The following FBN2 variants were observed in gnomAD, a reference collection of about 807,000 sequenced individuals.
The protein encoded by FBN2 is fibrillin 2, also known as fibrillin-2.
In FBN2, 105 loss-of-function variants were observed where a neutral mutation model predicts 355.6. The observed-to-expected ratio is 0.30, with a 90% CI of 0.25 to 0.35. The LOEUF (loss-of-function observed/expected upper bound fraction) is 0.35, where lower values mean the gene tolerates loss of function less well. Ranked by LOEUF, FBN2 falls within the 10% of genes least tolerant of loss-of-function variation. The pLI, the probability that FBN2 is intolerant of heterozygous loss-of-function variation, is 1.00. For missense variants in FBN2, 3,280 were observed against 3,758.7 expected (o/e 0.87, Z 3.33); for synonymous variants, 1,350 against 1,301.2 (o/e 1.04, Z -0.81).
At chr5:128,395,374 C>G in intron 8 of FBN2, 100 bp from the exon 9 acceptor site, 1 of 1,221,202 alleles carries the variant, frequency 8.2e-7, no homozygotes, top group Non-Finnish European at 1.2e-6. Context: ...TGACTCATAC[C>G]ACTTAATCTC....
chr5:128,339,125 AG>A, intron 25 of FBN2, 64 bp from the exon 26 acceptor site: 1 of 1,554,482 alleles, frequency 6.4e-7, no homozygotes, highest in Non-Finnish European at 8.9e-7. Flanking sequence ...TTCCAAGCGA[AG>A]GTGCTGCATG....
At chr5:128,423,765 G>A (rs1180301754) in intron 7 of FBN2, among the ~76,000 whole-genome samples, 2 of 152,168 alleles carry the variant, frequency 1.3e-5, no homozygotes, top group East Asian at 3.9e-4. Context: ...CCAAACTTGT[G>A]ATCTAGAAAG....
chr5:128,291,943 G>T (rs1295010545), intron 48 of FBN2, among the ~76,000 whole-genome samples: 1 of 152,032 alleles, frequency 6.6e-6, no homozygotes, highest in Non-Finnish European at 1.5e-5. Flanking sequence ...TGTCTCATGG[G>T]CATTGCAGGC....
At chr5:128,501,085 T>A (rs188026237) in intron 5 of FBN2, among the ~76,000 whole-genome samples, 1 of 152,178 alleles carries the variant, frequency 6.6e-6, no homozygotes. Context: ...TGCTGAGGAA[T>A]GATGAGACAA....
rs745677680 is a variant in FBN2 at position 128,305,620 on chromosome 5, G to A, written c.5565C>T (p.Ser1855=). Residue 1855 remains serine, a synonymous_variant, in exon 44 of 65, where the codon AGC becomes AGT. Transcript: ENST00000262464. Reference sequence around the variant, plus strand: ...TCCGCTGGCAGAGATTATCACCATTGCTGCACTCATCTATATCTGAAAGAG... The same window carrying A: ...TCCGCTGGCAGAGATTATCACCATTACTGCACTCATCTATATCTGAAAGAG... The part of the protein sequence containing the change: ...LLVCEDIDEC[S]NGDNLCQRNA... The A allele has an allele frequency of 3.7e-6, 6 of 1,613,888 alleles. No individual in the cohort carries two copies. The Admixed American group carries it at 1.0e-4, about 27-fold the overall frequency.
At chr5:128,404,288 A>G (rs1009384752) in intron 8 of FBN2, among the ~76,000 whole-genome samples, 13 of 152,260 alleles carry the variant, frequency 8.5e-5, no homozygotes, top group African/African-American at 3.1e-4. Context: ...TACTTATTCC[A>G]AATGTAACAT....
chr5:128,433,550 T>C (rs1244482232), intron 7 of FBN2, among the ~76,000 whole-genome samples: 3 of 152,226 alleles, frequency 2.0e-5, no homozygotes, highest in Non-Finnish European at 4.4e-5. Context: ...CTTTGATTTA[T>C]AGTCACATAG....
intron 9 of FBN2, among the ~76,000 whole-genome samples, chr5:128,394,279 A>C (rs532356235): frequency 2.0e-5 from 3 of 152,330 alleles, no homozygotes; most frequent in African/African-American, 7.2e-5. Context: ...AGAAACATTA[A>C]TTTGTACTTT....
chr5:128,434,422 ATATG>A (rs1033363650), intron 7 of FBN2, among the ~76,000 whole-genome samples: 9 of 132,680 alleles, frequency 6.8e-5, no homozygotes, highest in African/African-American at 3.0e-4. Context: ...ATATATATAT[ATATG>A]GGCAGTAAGT....
intron 58 of FBN2, among the ~76,000 whole-genome samples, 167 bp from the exon 59 acceptor site, chr5:128,276,327 C>A (rs1017222452): frequency 6.6e-6 from 1 of 152,080 alleles, no homozygotes; most frequent in Non-Finnish European, 1.5e-5. Context: ...AAGTAACATG[C>A]GGGTTTACTT....
intron 15 of FBN2, among the ~76,000 whole-genome samples, chr5:128,373,346 C>G (rs1242496489): frequency 6.6e-6 from 1 of 152,202 alleles, no homozygotes; most frequent in Non-Finnish European, 1.5e-5. Flanking sequence ...TTATATTCTT[C>G]TAGCTGCTGT....
chr5:128,347,012 C>T (rs1273847171), intron 23 of FBN2, among the ~76,000 whole-genome samples: 1 of 152,180 alleles, frequency 6.6e-6, no homozygotes, highest in Non-Finnish European at 1.5e-5. Flanking sequence ...CTCATTATCA[C>T]AGGGCTCTGA....
intron 7 of FBN2, among the ~76,000 whole-genome samples, chr5:128,442,788 G>A (rs1262015468): frequency 1.3e-5 from 2 of 151,968 alleles, no homozygotes; most frequent in Non-Finnish European, 2.9e-5. Flanking sequence ...CACACAGAGA[G>A]AGAGGAAAAG....
At chr5:128,440,869 C>T (rs1421913018) in intron 7 of FBN2, among the ~76,000 whole-genome samples, 3 of 152,116 alleles carry the variant, frequency 2.0e-5, no homozygotes, top group Non-Finnish European at 4.4e-5. Flanking sequence ...CGGAGAGAAA[C>T]GTTTACTTTT....
At chr5:128,356,429 T>G (rs1193768845) in intron 20 of FBN2, among the ~76,000 whole-genome samples, 1 of 152,262 alleles carries the variant, frequency 6.6e-6, no homozygotes, top group Non-Finnish European at 1.5e-5. Context: ...AAGATTCATT[T>G]TGGCTAGATA....
intron 33 of FBN2, among the ~76,000 whole-genome samples, chr5:128,330,367 T>C (rs181397463): frequency 6.6e-6 from 1 of 152,356 alleles, no homozygotes; most frequent in African/African-American, 2.4e-5. Flanking sequence ...AATGCCGTTA[T>C]TTGAAAACTT....
rs1750801082 is a variant in FBN2, at chr5:128,335,153, T to C, written c.3973+17A>G. ...CATGTGTGTGTATAAATGTTTATCC[T>C]TTCTTATGATACCCACCAATGCATG... is the stretch of plus-strand genomic sequence containing the variant. On this transcript the variant is annotated intron_variant, in intron 30 of 64. Transcript: ENST00000262464. 1 of 1,614,144 alleles carries C rather than the reference T, an allele frequency of 6.2e-7. No individual in the cohort carries two copies.
chr5:128,260,450 G>A (rs762442683), intron 64 of FBN2, among the ~76,000 whole-genome samples: 1 of 152,184 alleles, frequency 6.6e-6, no homozygotes, highest in Non-Finnish European at 1.5e-5. Context: ...TTTGCTCAGA[G>A]GGTTGGGAGG....
At position 128,349,489 on chromosome 5, in the gene FBN2, C is replaced by G. The variant is rs751818311; in HGVS notation, c.2864-17G>C. On this transcript the variant is annotated splice_polypyrimidine_tract_variant and intron_variant, in intron 22 of 64. Transcript: ENST00000262464. ...CATTAACATCTGCAGGGAAATGCAG[C>G]AAGCAGAGGAGCAAAGATGTTACAA... 2 of 1,613,388 alleles carry G rather than the reference C, an allele frequency of 1.2e-6. No homozygotes were observed. Among genetic ancestry groups the G allele is most frequent in the South Asian group, 2.2e-5 (2 of 90,896 alleles).
Sources: gnomAD v4.1 joint callset for allele counts (sites outside exome capture counted in the v4.1 genomes callset) on GRCh38, gnomAD v4.1.1 for gene constraint, MANE v1.5 for transcripts, NCBI Gene and HGNC (gene_info 2026-07-23, HGNC 2026-07-21) for gene names.